MCC: variants seen among roughly 807,000 people sequenced by gnomAD.
MCC encodes colorectal mutant cancer protein.
In MCC, 90 loss-of-function variants were observed where a neutral mutation model predicts 116.2. The ratio of observed to expected loss-of-function variants is 0.77; its 90% CI spans 0.65 to 0.92. MCC has a LOEUF of 0.92. MCC is among the 40% of genes least tolerant of loss of function. The pLI is 0.00. For synonymous variants in MCC, 578 were observed against 510.5 expected (o/e 1.13, Z -1.78); for missense variants, 1,516 against 1,312.2 (o/e 1.16, Z -2.40).
At chr5:113,367,261 C>T (rs1425906820) in intron 2 of MCC, among the ~76,000 whole-genome samples, 2 of 151,654 alleles carry the variant, frequency 1.3e-5, no homozygotes, top group Non-Finnish European at 2.9e-5. Context: ...TTTTCTTGAA[C>T]AATTTTTTTA....
chr5:113,376,996 G>A (rs546916395), intron 2 of MCC, among the ~76,000 whole-genome samples: 11 of 152,204 alleles, frequency 7.2e-5, no homozygotes, highest in East Asian at 1.9e-4. Context: ...GTGGCTACCC[G>A]ACAGAATGGC....
At chr5:113,237,558 G>C (rs1402784883) in intron 3 of MCC, among the ~76,000 whole-genome samples, 1 of 152,148 alleles carries the variant, frequency 6.6e-6, no homozygotes, top group Non-Finnish European at 1.5e-5. Context: ...TGCCAAGAAG[G>C]GTTACTTGCA....
intron 3 of MCC, among the ~76,000 whole-genome samples, chr5:113,176,192 T>C (rs1278459920): frequency 6.6e-6 from 1 of 152,102 alleles, no homozygotes; most frequent in Non-Finnish European, 1.5e-5. Flanking sequence ...TAAATGCCCA[T>C]TTCTTGTACT....
chr5:113,394,558 C>T (rs188958343), intron 1 of MCC, among the ~76,000 whole-genome samples: 23 of 152,276 alleles, frequency 1.5e-4, no homozygotes, highest in African/African-American at 4.1e-4. Flanking sequence ...CTTCTATAAA[C>T]GGTCACTGTT....
chr5:113,317,334 T>C (rs1012896134), intron 3 of MCC, among the ~76,000 whole-genome samples: 3 of 152,240 alleles, frequency 2.0e-5, no homozygotes, highest in African/African-American at 4.8e-5. Context: ...GAACAGACCC[T>C]TGGGTCCACA....
At chr5:113,277,766 T>C (rs1191459498) in intron 3 of MCC, among the ~76,000 whole-genome samples, 2 of 152,212 alleles carry the variant, frequency 1.3e-5, no homozygotes, top group Non-Finnish European at 2.9e-5. Context: ...ATATGCGATA[T>C]TGGCATCTAC....
At chr5:113,151,673 G>A (rs1260642205) in intron 3 of MCC, among the ~76,000 whole-genome samples, 1 of 152,154 alleles carries the variant, frequency 6.6e-6, no homozygotes, top group African/African-American at 2.4e-5. Context: ...GGTATAATCA[G>A]GCCAGAGAAC....
Position 113,101,758 on chromosome 5 carries a change from C to G in MCC, c.1379G>C (p.Arg460Pro), listed in dbSNP as rs753840276. The G allele has an allele frequency of 1.9e-6, 3 of 1,613,408 alleles. No individual in the cohort carries two copies. The highest frequency in any genetic ancestry group is 2.5e-6 in the Non-Finnish European group (3 of 1,180,012). Reference protein sequence around the residue: ...KATMNAIREERDRLRRRVREL... With the variant: ...KATMNAIREEPDRLRRRVREL... Reference sequence around the variant, plus strand: ...GCTCACCCTCCTCCGGAGCCGGTCCCGCTCTTCCCGGATGGCATTCATGGT... The same window carrying G: ...GCTCACCCTCCTCCGGAGCCGGTCCGGCTCTTCCCGGATGGCATTCATGGT... Residue 460 changes from arginine to proline, a missense_variant, in exon 8 of 19, where the codon CGG becomes CCG. Physicochemically the swap from Arg to Pro is moderately radical, Grantham distance 103. Coordinates refer to ENST00000408903, the MANE Select transcript of MCC (RefSeq NM_001085377.2).
At chr5:113,227,560 T>C (rs761273599) in intron 3 of MCC, among the ~76,000 whole-genome samples, 5 of 152,236 alleles carry the variant, frequency 3.3e-5, no homozygotes, top group Non-Finnish European at 4.4e-5. Flanking sequence ...TAACTAATAT[T>C]TGTACTTTAA....
At chr5:113,203,081 T>C (rs1420654027) in intron 3 of MCC, among the ~76,000 whole-genome samples, 1 of 152,126 alleles carries the variant, frequency 6.6e-6, no homozygotes, top group Non-Finnish European at 1.5e-5. Context: ...GAGAAGCCAA[T>C]ACTCAGGACC....
Position 113,027,355 on chromosome 5 carries a change from C to G in MCC, c.3007G>C (p.Ala1003Pro). The G allele has an allele frequency of 6.2e-7, 1 of 1,614,196 alleles. No homozygotes were observed. Among genetic ancestry groups the G allele is most frequent in the Non-Finnish European group, 8.5e-7 (1 of 1,180,006 alleles). The change falls in exon 19 of 19, where the codon GCT becomes CCT. Residue 1003 changes from alanine (A) to proline (P), a missense_variant. Ala to Pro is a conservative substitution (Grantham distance 27). Coordinates refer to ENST00000408903, the MANE Select transcript of MCC (RefSeq NM_001085377.2). ...TQVRMLKQRI[A>P]LLEEENSRPH... Reference sequence around the variant, plus strand: ...CTGGAGTTCTCCTCCTCTAGCAGAGCTATTCTTTGCTTGAGCATCCTCACT... The same window carrying G: ...CTGGAGTTCTCCTCCTCTAGCAGAGGTATTCTTTGCTTGAGCATCCTCACT...
At chr5:113,068,645 C>T (rs1488442640) in intron 12 of MCC, among the ~76,000 whole-genome samples, 3 of 152,244 alleles carry the variant, frequency 2.0e-5, no homozygotes, top group African/African-American at 7.2e-5. Flanking sequence ...ATCTTGGTCA[C>T]TCTCTCTCAC....
rs1760276693 is a variant in MCC, at chr5:113,158,121, C to A, written c.628-6699G>T. Among the ~76,000 whole-genome samples the A allele has an allele frequency of 2.0e-5, 3 of 152,208 alleles. No individual in the cohort carries two copies. The South Asian group carries it at 6.2e-4, about 31-fold the overall frequency. On this transcript the variant is annotated intron_variant, in intron 3 of 18. Transcript: ENST00000408903. ...ACTCAAAACAGCTTGCAATTTCAAACCTGCCAATTGTTTATTTTTGGAATT... is the reference window on the plus strand; with the variant it reads ...ACTCAAAACAGCTTGCAATTTCAAAACTGCCAATTGTTTATTTTTGGAATT...
At chr5:113,244,580 C>A (rs1764500433) in intron 3 of MCC, among the ~76,000 whole-genome samples, 1 of 152,184 alleles carries the variant, frequency 6.6e-6, no homozygotes, top group Non-Finnish European at 1.5e-5. Flanking sequence ...AGGAGTCTCT[C>A]ATGATTGAAA....
chr5:113,333,848 T>TATACATATATGTAC (rs1767796387), intron 3 of MCC, among the ~76,000 whole-genome samples: 6 of 130,288 alleles, frequency 4.6e-5, no homozygotes, highest in Non-Finnish European at 9.9e-5. Context: ...TATATGTATA[T>TATACATATATGTAC]ATGTACATAT....
rs1359629018 is a variant in MCC at position 113,023,782 on chromosome 5, T to C, written c.*3520A>G. The C allele has an allele frequency of 1.3e-5, 2 of 152,226 alleles. No homozygotes were observed. The highest frequency in any genetic ancestry group is 2.9e-5 in the Non-Finnish European group (2 of 68,028). The allele number at this position is 152,226 out of a possible 1,614,324, so 9.4% of individuals were successfully genotyped here. On this transcript the variant is annotated 3_prime_UTR_variant, in exon 19 of 19. Coordinates refer to ENST00000408903, the MANE Select transcript of MCC (RefSeq NM_001085377.2). ...GATATGTTATCACTTTAAAGCTTGA[T>C]AATCGAAACTCTTGAGAGCTATTAA...
chr5:113,284,225 C>T (rs1023009740), intron 3 of MCC, among the ~76,000 whole-genome samples: 2 of 152,184 alleles, frequency 1.3e-5, no homozygotes, highest in South Asian at 2.1e-4. Context: ...TGGCATGTGC[C>T]TCTAGTCCCA....
chr5:113,084,622 C>G (rs996293987), intron 9 of MCC, among the ~76,000 whole-genome samples: 1 of 122,826 alleles, frequency 8.1e-6, no homozygotes, highest in African/African-American at 5.3e-5. Context: ...GCTAGCAGAG[C>G]TACCAGGCAA....
At chr5:113,431,622 G>A (rs1335323688) in intron 1 of MCC, among the ~76,000 whole-genome samples, 1 of 152,142 alleles carries the variant, frequency 6.6e-6, no homozygotes, top group South Asian at 2.1e-4. Context: ...CCTGAGTACC[G>A]ACTCTGGTTT....
Sources: gnomAD v4.1 joint callset for allele counts (sites outside exome capture counted in the v4.1 genomes callset) on GRCh38, gnomAD v4.1.1 for gene constraint, MANE v1.5 for transcripts, NCBI Gene and HGNC (gene_info 2026-07-23, HGNC 2026-07-21) for gene names.